MAP4K3: variants seen among roughly 807,000 people sequenced by gnomAD.
MAP4K3 encodes mitogen-activated protein kinase kinase kinase kinase 3, also known as MAPK/ERK kinase kinase kinase 3.
Under a neutral mutation model 143.5 loss-of-function variants are expected in MAP4K3, and 94 were observed. That is an observed-to-expected ratio of 0.65 (90% confidence interval 0.55 to 0.78). MAP4K3 has a LOEUF of 0.78. Ranked by LOEUF, MAP4K3 falls within the 30% of genes least tolerant of loss-of-function variation. The probability of loss-of-function intolerance (pLI) is 0.00; values close to 1 mark genes in which losing one functional copy is unlikely to be tolerated. For missense variants in MAP4K3, 1,077 were observed against 1,068.1 expected, an observed-to-expected ratio of 1.01 and a Z score of -0.12; for synonymous variants, 416 against 347.2, an observed-to-expected ratio of 1.20 and a Z score of -2.20.
chr2:39,365,707 G>A lies in MAP4K3; in HGVS notation c.155-9368C>T, dbSNP rs1177476967. Among the ~76,000 whole-genome samples the A allele has an allele frequency of 4.0e-5, 6 of 151,350 alleles. No homozygotes were observed. In the East Asian group the frequency reaches 1.2e-3, roughly 29 times the overall value. On this transcript the variant is annotated intron_variant, in intron 2 of 33. Transcript: ENST00000263881. Reference sequence around the variant, plus strand: ...GATCCACCCGCCTCGGCCTCCCAAAGTGCTGGGATTACAGGCGTGAGCCAC... The same window carrying A: ...GATCCACCCGCCTCGGCCTCCCAAAATGCTGGGATTACAGGCGTGAGCCAC...
intron 1 of MAP4K3, among the ~76,000 whole-genome samples, chr2:39,435,333 G>T (rs1015259926): frequency 2.0e-5 from 3 of 152,082 alleles, no homozygotes; most frequent in Non-Finnish European, 4.4e-5. Flanking sequence ...AAACAAGTCC[G>T]ATCTCCTAAT....
chr2:39,356,223 T>A, intron 3 of MAP4K3, 26 bp downstream of exon 3: 8 of 1,398,974 alleles, frequency 5.7e-6, no homozygotes, highest in Non-Finnish European at 7.9e-6. Flanking sequence ...CATTATTGCT[T>A]TTCAAAAGGG....
chr2:39,360,448 TTTC>T (rs923897977), intron 2 of MAP4K3, among the ~76,000 whole-genome samples: 2 of 152,194 alleles, frequency 1.3e-5, no homozygotes, highest in African/African-American at 4.8e-5. Context: ...CACATTTTCT[TTTC>T]TTCTTCTGAG....
chr2:39,285,622 A>T (rs567983738), intron 21 of MAP4K3, among the ~76,000 whole-genome samples: 1 of 151,918 alleles, frequency 6.6e-6, no homozygotes, highest in South Asian at 2.1e-4. Context: ...TGTATAGTGA[A>T]ATATTTTTAA....
intron 26 of MAP4K3, 66 bp from the exon 27 acceptor site, chr2:39,267,313 T>A (rs892305483): frequency 8.1e-7 from 1 of 1,235,804 alleles, no homozygotes; most frequent in Admixed American, 1.7e-5. Context: ...AAAGCTACTG[T>A]TATAGATCAG....
At position 39,405,503 on chromosome 2, in the gene MAP4K3, T is replaced by C. The variant is rs201878125; in HGVS notation, c.97-27380A>G. ...CTACAAGAAATACCTAACTCTTCAA[T>C]GCCCAGACATGAACAAACATCCATA... On this transcript the variant is annotated intron_variant, in intron 1 of 33. Transcript: ENST00000263881. Among the ~76,000 whole-genome samples, 19 of 152,286 alleles carry C rather than the reference T, an allele frequency of 1.2e-4. 1 individual carries two copies. The East Asian group carries it at 3.1e-3, about 25-fold the overall frequency.
chr2:39,314,547 T>C (rs1370934880), intron 13 of MAP4K3, among the ~76,000 whole-genome samples: 2 of 152,140 alleles, frequency 1.3e-5, no homozygotes, highest in Admixed American at 1.3e-4. Flanking sequence ...AAGTACCAAA[T>C]CCCACTCCTG....
intron 4 of MAP4K3, 99 bp downstream of exon 4, chr2:39,343,289 C>A: frequency 1.3e-6 from 1 of 781,838 alleles, no homozygotes; most frequent in Non-Finnish European, 2.1e-6. Context: ...TAAAACATAG[C>A]TTGCTTTCCT....
intron 3 of MAP4K3, among the ~76,000 whole-genome samples, chr2:39,349,471 A>G (rs896424808): frequency 3.9e-5 from 6 of 152,212 alleles, no homozygotes; most frequent in Non-Finnish European, 8.8e-5. Context: ...GCCACTGAAC[A>G]TCAATCCTAC....
chr2:39,402,763 ACTT>A (rs527419806), intron 1 of MAP4K3, among the ~76,000 whole-genome samples: 116 of 152,012 alleles, frequency 7.6e-4, no homozygotes, highest in Non-Finnish European at 1.4e-3. Flanking sequence ...AAGAAGATAA[ACTT>A]CTAGCCAAAC....
chr2:39,259,008 T>C (rs79696106), intron 29 of MAP4K3, among the ~76,000 whole-genome samples: 5,760 of 73,448 alleles, frequency 0.078, 404 homozygotes, highest in African/African-American at 0.15. Context: ...AAAATGAAAA[T>C]TGTTTTTTTT....
intron 7 of MAP4K3, among the ~76,000 whole-genome samples, chr2:39,332,581 AATG>A (rs1306985525): frequency 2.0e-5 from 3 of 152,080 alleles, no homozygotes; most frequent in Non-Finnish European, 4.4e-5. Context: ...CTAGTTTACT[AATG>A]ATGACTTCTA....
intron 1 of MAP4K3, among the ~76,000 whole-genome samples, chr2:39,391,865 A>C (rs955948204): frequency 1.3e-5 from 2 of 152,074 alleles, no homozygotes; most frequent in African/African-American, 2.4e-5. Flanking sequence ...TGGTACAAAA[A>C]GTCTCCTGGA....
intron 9 of MAP4K3, 66 bp downstream of exon 9, chr2:39,326,080 T>C: frequency 2.5e-6 from 4 of 1,569,942 alleles, no homozygotes; most frequent in East Asian, 4.5e-5. Context: ...AAATTACTTG[T>C]TCATGACAGC....
intron 3 of MAP4K3, 64 bp from the exon 4 acceptor site, chr2:39,343,516 A>G: frequency 2.2e-6 from 3 of 1,346,102 alleles, no homozygotes; most frequent in Non-Finnish European, 3.2e-6. Context: ...TGAGGTAACA[A>G]GTATTTTAAG....
intron 1 of MAP4K3, among the ~76,000 whole-genome samples, chr2:39,386,820 C>CTTTTTTT (rs56011585): frequency 1.4e-5 from 2 of 139,130 alleles, no homozygotes; most frequent in African/African-American, 2.8e-5. Flanking sequence ...TTTTGTTGTT[C>CTTTTTTT]TTTTTTTTTT....
At position 39,258,372 on chromosome 2, in the gene MAP4K3, A is replaced by G. The variant is rs1448694065; in HGVS notation, c.2446T>C (p.Phe816Leu). ...SSRKLSSELT[F>L]DFQIESIVCL... Reference sequence around the variant, plus strand: ...CCTATTGATTCAATCTGGAAATCAAAGGTGAGTTCTGATGACAATTTCCTG... The same window carrying G: ...CCTATTGATTCAATCTGGAAATCAAGGGTGAGTTCTGATGACAATTTCCTG... The change falls in exon 31 of 34, where the codon TTT (phenylalanine) becomes CTT (leucine). Residue 816 changes from phenylalanine to leucine, a missense_variant. Around this residue, in one of 2 missense-constraint regions of MAP4K3, gnomAD observed 864 missense variants for 801.2 expected, o/e 1.08. Coordinates refer to ENST00000263881, the MANE Select transcript of MAP4K3 (RefSeq NM_003618.4). The G allele has an allele frequency of 6.2e-7, 1 of 1,607,870 alleles. No individual in the cohort carries two copies. The highest frequency in any genetic ancestry group is 8.5e-7 in the Non-Finnish European group (1 of 1,176,688).
chr2:39,390,250 C>T (rs1235193292), intron 1 of MAP4K3, among the ~76,000 whole-genome samples: 1 of 152,184 alleles, frequency 6.6e-6, no homozygotes, highest in Non-Finnish European at 1.5e-5. Flanking sequence ...GTTGTGCCTT[C>T]AGATTGCCAC....
rs534963314 is a variant in MAP4K3, at chr2:39,359,484, C to T, written c.155-3145G>A. Among the ~76,000 whole-genome samples, 15 of 152,322 alleles carry T rather than the reference C, an allele frequency of 9.8e-5. No homozygotes were observed. In the East Asian group the frequency reaches 1.4e-3, roughly 14 times the overall value. On this transcript the variant is annotated intron_variant, in intron 2 of 33. Transcript: ENST00000263881. Reference sequence around the variant, plus strand: ...CACACAGTGCAAGCTGTCAGTGGATCTACCATTCTGAGATCCAGAGGACAG... The same window carrying T: ...CACACAGTGCAAGCTGTCAGTGGATTTACCATTCTGAGATCCAGAGGACAG...
Sources: allele counts gnomAD v4.1 joint callset (sites outside exome capture counted in the v4.1 genomes callset), GRCh38; gene constraint gnomAD v4.1.1; regional missense constraint gnomAD v4.1.1; transcripts MANE v1.5; gene names NCBI Gene and HGNC (gene_info 2026-07-23, HGNC 2026-07-21).